The following RET variants were observed in gnomAD, a reference collection of about 807,000 sequenced individuals.
RET encodes the protein ret proto-oncogene.
In RET, 19 loss-of-function variants were observed where a neutral mutation model predicts 118.3. That is an observed-to-expected ratio of 0.16 (90% CI 0.11 to 0.24). The LOEUF is 0.24. Ranked by LOEUF, RET falls within the 10% of genes least tolerant of loss-of-function variation. The pLI is 1.00. For missense variants in RET, 1,219 were observed against 1,502.1 expected, an observed-to-expected ratio of 0.81 and a Z score of 3.12; for synonymous variants, 597 against 644.1, an observed-to-expected ratio of 0.93 and a Z score of 1.11.
At chr10:43,112,038 C>T (rs759147409) in intron 7 of RET, 61 bp from the exon 8 acceptor site, 35 of 1,555,224 alleles carry the variant, frequency 2.3e-5, no homozygotes, top group Non-Finnish European at 2.9e-5. Context: ...TGTCCTTGGG[C>T]ACTAGCTGGA....
chr10:43,077,436 G>T, intron 1 of RET, 105 bp downstream of exon 1: 1 of 1,334,250 alleles, frequency 7.5e-7, no homozygotes, highest in Non-Finnish European at 9.7e-7. Context: ...CGTGGGCAGC[G>T]GGCTGTGCGG....
intron 17 of RET, among the ~76,000 whole-genome samples, chr10:43,124,477 C>T (rs547147629): frequency 6.6e-6 from 1 of 152,332 alleles, no homozygotes; most frequent in East Asian, 1.9e-4. Context: ...GTTTGTCTGT[C>T]TCCACACCTA....
chr10:43,115,022 G>T (rs948213754), intron 11 of RET, among the ~76,000 whole-genome samples: 1 of 151,710 alleles, frequency 6.6e-6, no homozygotes, highest in African/African-American at 2.4e-5. Flanking sequence ...TCAGAAGGGG[G>T]TGCCTTTCTG....
At chr10:43,092,375 A>G (rs762557104) in intron 1 of RET, among the ~76,000 whole-genome samples, 1 of 152,238 alleles carries the variant, frequency 6.6e-6, no homozygotes, top group Non-Finnish European at 1.5e-5. Context: ...GGATAAAAAG[A>G]GTGCTGTGGA....
chr10:43,098,879 C>G (rs1410634670), intron 1 of RET, among the ~76,000 whole-genome samples: 1 of 152,160 alleles, frequency 6.6e-6, no homozygotes, highest in Non-Finnish European at 1.5e-5. Context: ...CTATTTGAGA[C>G]TTGGCTTTCA....
chr10:43,083,459 C>G (rs1473832850), intron 1 of RET, among the ~76,000 whole-genome samples: 2 of 152,242 alleles, frequency 1.3e-5, no homozygotes, highest in Admixed American at 6.5e-5. Flanking sequence ...GGCCACACCT[C>G]CCAGCCCTTG....
intron 1 of RET, among the ~76,000 whole-genome samples, chr10:43,083,331 A>C (rs2435362): frequency 0.78 from 118,298 of 152,208 alleles, 46,717 homozygotes; most frequent in African/African-American, 0.9. Context: ...CCACCTGTAT[A>C]TGCAGGGGCA....
intron 1 of RET, among the ~76,000 whole-genome samples, chr10:43,097,420 T>A (rs1477974946): frequency 6.6e-6 from 1 of 152,152 alleles, no homozygotes. Flanking sequence ...TAGACCCAGC[T>A]GAGCTGCATT....
chr10:43,126,820 ACAAAAC>A, intron 19 of RET, 98 bp downstream of exon 19: 1 of 1,537,488 alleles, frequency 6.5e-7, no homozygotes, highest in South Asian at 1.2e-5. Context: ...TCTGGTCTGA[ACAAAAC>A]CAAAGTCTGC....
chr10:43,084,258 A>G (rs951897129), intron 1 of RET, among the ~76,000 whole-genome samples: 2 of 152,204 alleles, frequency 1.3e-5, no homozygotes, highest in African/African-American at 4.8e-5. Flanking sequence ...TCGCTAGGTA[A>G]TTCTGTTTTA....
Position 43,114,346 on chromosome 10 carries a change from C to G in RET, c.1880-134C>G. The G allele has an allele frequency of 8.0e-7, 1 of 1,249,040 alleles. No individual in the cohort carries two copies. Among genetic ancestry groups the G allele is most frequent in the South Asian group, 1.3e-5 (1 of 78,048 alleles). The allele number at this position is 1,249,040 out of a possible 1,614,324, so 77.4% of individuals were successfully genotyped here. On this transcript the variant is annotated intron_variant, in intron 10 of 19. Transcript: ENST00000355710. This position sits in a 1 kb window ranked among gnomAD's most constrained non-coding sequence, Gnocchi z 4.6. The stretch of plus-strand genomic sequence containing the variant: ...TCGATGGGGTGTTCTCAGGCCTTCC[C>G]ACACCTCCATGGCCACTTCCCAGCT...
intron 3 of RET, 171 bp downstream of exon 3, chr10:43,102,800 A>G: frequency 1.3e-6 from 1 of 767,348 alleles, no homozygotes; most frequent in South Asian, 1.7e-5. Context: ...CTGTTCTAGG[A>G]GCTAAGGATA....
chr10:43,109,116 C>T lies in RET; in HGVS notation c.1149C>T (p.Gly383=), dbSNP rs1254273557. 1 of 1,613,800 alleles carries T rather than the reference C, an allele frequency of 6.2e-7. No individual in the cohort carries two copies. Among genetic ancestry groups the T allele is most frequent in the African/African-American group, 1.3e-5 (1 of 74,924 alleles). Residue 383 remains glycine, a synonymous_variant, in exon 6 of 20, where the codon GGC becomes GGT. Coordinates refer to ENST00000355710, the MANE Select transcript of RET (RefSeq NM_020975.6). The stretch of plus-strand genomic sequence containing the variant: ...TGGTCAATGACTCAGACTTCCAGGG[C>T]CCAGGAGCGGGCGTCCTCTTGCTCC... ...AVLVNDSDFQ[G]PGAGVLLLHF...
chr10:43,080,407 T>G (rs1837153878), intron 1 of RET, among the ~76,000 whole-genome samples: 1 of 152,242 alleles, frequency 6.6e-6, no homozygotes, highest in Non-Finnish European at 1.5e-5. Flanking sequence ...TCACTTCATC[T>G]TTTCCAACAA....
chr10:43,121,236 C>T (rs1332858682), intron 15 of RET, among the ~76,000 whole-genome samples: 1 of 152,176 alleles, frequency 6.6e-6, no homozygotes, highest in Admixed American at 6.5e-5. Flanking sequence ...GCCAAGACAG[C>T]CACACTGCAC....
Position 43,114,709 on chromosome 10 carries a change from G to A in RET, c.2109G>A (p.Gln703=), listed in dbSNP as rs2132854858. Residue 703 remains glutamine, a synonymous_variant, in exon 11 of 20, where the codon CAG becomes CAA. Transcript: ENST00000355710. This position sits in a 1 kb window ranked among gnomAD's most constrained non-coding sequence, Gnocchi z 4.6. ...CCTCGCTGGACTCCATGGAGAACCA[G>A]GTCTCCGTGGATGCCTTCAAGATCC... ...RRPSLDSMEN[Q]VSVDAFKILE... is the part of the protein sequence containing the mutation. 2.5e-6 allele frequency: 4 copies of A among 1,611,648 alleles called. No homozygotes were observed. The highest frequency in any genetic ancestry group is 3.4e-6 in the Non-Finnish European group (4 of 1,179,878).
At chr10:43,103,989 T>C (rs1349581434) in intron 3 of RET, among the ~76,000 whole-genome samples, 1 of 152,220 alleles carries the variant, frequency 6.6e-6, no homozygotes, top group East Asian at 1.9e-4. Context: ...GTCAGGCTCG[T>C]TGAAGACTGT....
intron 3 of RET, chr10:43,102,921 T>G: frequency 2.0e-6 from 1 of 511,392 alleles, no homozygotes; most frequent in Non-Finnish European, 3.6e-6. Flanking sequence ...TGGAAGGAGC[T>G]AGCTGGGGAG....
At chr10:43,084,218 G>T (rs897617903) in intron 1 of RET, among the ~76,000 whole-genome samples, 7 of 152,200 alleles carry the variant, frequency 4.6e-5, no homozygotes, top group African/African-American at 1.7e-4. Context: ...CGTGCTTTCA[G>T]TTCTTTTGGG....
Sources: gnomAD v4.1 joint callset for allele counts (sites outside exome capture counted in the v4.1 genomes callset) on GRCh38, gnomAD v4.1.1 for gene constraint, Gnocchi (gnomAD v3.1) non-coding constraint, MANE v1.5 for transcripts, NCBI Gene and HGNC (gene_info 2026-07-23, HGNC 2026-07-21) for gene names.